Variants in RBM6 observed in about 807,000 individuals in gnomAD.
RBM6 encodes the protein RNA binding motif protein 6.
A neutral mutation model predicts 140.4 loss-of-function variants in RBM6; 23 were observed. The observed-to-expected ratio is 0.16, with a 90% CI of 0.12 to 0.23. The LOEUF is 0.23. Ranked by LOEUF, RBM6 falls within the 10% of genes least tolerant of loss-of-function variation. The pLI is 1.00. For missense variants in RBM6, 1,139 were observed against 1,386.7 expected, an observed-to-expected ratio of 0.82 and a Z score of 2.84; for synonymous variants, 439 against 475.6, an observed-to-expected ratio of 0.92 and a Z score of 1.00.
At chr3:49,957,889 T>C (rs2084073567) in intron 1 of RBM6, among the ~76,000 whole-genome samples, 1 of 150,696 alleles carries the variant, frequency 6.6e-6, no homozygotes, top group Non-Finnish European at 1.5e-5. Flanking sequence ...TGGAGTGCAA[T>C]GGCGCAATCT....
intron 1 of RBM6, among the ~76,000 whole-genome samples, chr3:49,959,723 A>G (rs1004889586): frequency 1.3e-5 from 2 of 151,156 alleles, no homozygotes; most frequent in African/African-American, 2.4e-5. Flanking sequence ...GGTGCCCGCC[A>G]CTACGCCTGG....
At chr3:50,065,594 A>T (rs1288271323) in intron 16 of RBM6, 2 of 457,228 alleles carry the variant, frequency 4.4e-6, no homozygotes, top group Admixed American at 4.7e-5. Flanking sequence ...TTCAAGCAGT[A>T]GTCTCAACCT....
In RBM6 at chr3:50,057,813, G is replaced by T; in HGVS notation, c.1779G>T (p.Gln593His). 6.2e-7 allele frequency: 1 copy of T among 1,613,590 alleles called. No homozygotes were observed. The highest frequency in any genetic ancestry group is 8.5e-7 in the Non-Finnish European group (1 of 1,179,914). ...IPAPLEKQPN[Q>H]PLRPADKEPE... is the part of the protein sequence containing the mutation. ...CACCATTGGAAAAACAGCCCAACCA[G>T]CCCCTAAGACCAGCTGATAAGGAAC... The change falls in exon 9 of 21, where the codon CAG (glutamine) becomes CAT (histidine). Residue 593 changes from glutamine (Q) to histidine (H), a missense_variant. Around this residue, in one of 9 missense-constraint regions of RBM6, gnomAD observed 109 missense variants for 101.9 expected, o/e 1.07. Coordinates refer to ENST00000266022, the MANE Select transcript of RBM6 (RefSeq NM_005777.3).
intron 5 of RBM6, among the ~76,000 whole-genome samples, chr3:49,976,237 T>C (rs748909007): frequency 6.6e-6 from 1 of 152,198 alleles, no homozygotes; most frequent in Non-Finnish European, 1.5e-5. Context: ...ATTTTGAGGA[T>C]ATAATTTACT....
intron 5 of RBM6, among the ~76,000 whole-genome samples, chr3:49,986,243 C>T (rs2085548808): frequency 2.0e-5 from 3 of 148,704 alleles, no homozygotes; most frequent in Non-Finnish European, 3.0e-5. Flanking sequence ...ATCCATTCGT[C>T]TCAGACTCCC....
chr3:50,013,003 A>C (rs981166511), intron 6 of RBM6, among the ~76,000 whole-genome samples: 1 of 151,818 alleles, frequency 6.6e-6, no homozygotes, highest in African/African-American at 2.4e-5. Context: ...TGGGCCTCCT[A>C]AAGTGCTGGG....
intron 5 of RBM6, among the ~76,000 whole-genome samples, chr3:49,984,127 C>G (rs2085435122): frequency 6.6e-6 from 1 of 151,810 alleles, no homozygotes; most frequent in Non-Finnish European, 1.5e-5. Context: ...CTCTATCTCT[C>G]CAAAAAAAAT....
chr3:50,008,840 C>T (rs111505489), intron 6 of RBM6, among the ~76,000 whole-genome samples: 4,875 of 152,254 alleles, frequency 0.032, 274 homozygotes, highest in African/African-American at 0.11. Flanking sequence ...CGTGAGCCAC[C>T]GTGCCTGGCC....
At chr3:50,016,342 T>C (rs1199145082) in intron 6 of RBM6, among the ~76,000 whole-genome samples, 1 of 152,188 alleles carries the variant, frequency 6.6e-6, no homozygotes, top group Non-Finnish European at 1.5e-5. Flanking sequence ...ATCCATTCAT[T>C]CATTGATGGG....
At position 49,968,016 on chromosome 3, in the gene RBM6, A is replaced by G; in HGVS notation, c.591A>G (p.Gly197=). Residue 197 remains glycine (G), a synonymous_variant, in exon 3 of 21, where the codon GGA becomes GGG. Transcript: ENST00000266022. ...GRDGSHADFR[G]RDLSDLDFRA... ...ATGGATCCCATGCAGATTTTAGGGG[A>G]AGGGATTTATCAGATTTGGATTTTA... 1 of 1,614,072 alleles carries G rather than the reference A, an allele frequency of 6.2e-7. No homozygotes were observed. The highest frequency in any genetic ancestry group is 2.2e-5 in the East Asian group (1 of 44,886).
intron 1 of RBM6, among the ~76,000 whole-genome samples, chr3:49,958,145 G>C (rs532292119): frequency 5.3e-5 from 8 of 152,316 alleles, no homozygotes; most frequent in African/African-American, 1.9e-4. Context: ...TTCATTCTGG[G>C]CCGGGCGCAG....
At position 50,059,840 on chromosome 3, in the gene RBM6, T is replaced by C. The variant is rs2089866698; in HGVS notation, c.2228+94T>C. ...TGGCTGGAAAAACAGTAAAGCATGA[T>C]GTTTTCCTAACATGGACTGCTTCAG... On this transcript the variant is annotated intron_variant, in intron 11 of 20. Transcript: ENST00000266022. The C allele has an allele frequency of 5.1e-6, 5 of 983,686 alleles. No individual in the cohort carries two copies. The Admixed American group carries it at 1.2e-4, about 25-fold the overall frequency. 60.9% of individuals were successfully genotyped at this position (983,686 alleles called of 1,614,324 possible).
At chr3:50,075,571 T>C (rs2240328) in intron 20 of RBM6, among the ~76,000 whole-genome samples, 133,741 of 152,196 alleles carry the variant, frequency 0.88, 59,039 homozygotes, top group African/African-American at 0.96. Flanking sequence ...TACTTTTACA[T>C]GGAGTAAATA....
intron 2 of RBM6, among the ~76,000 whole-genome samples, chr3:49,963,256 A>G (rs978427031): frequency 6.6e-6 from 1 of 151,900 alleles, no homozygotes; most frequent in Non-Finnish European, 1.5e-5. Flanking sequence ...GTTTTTTGAG[A>G]CAAGTCTCTC....
intron 6 of RBM6, among the ~76,000 whole-genome samples, chr3:50,012,176 G>A (rs1048356766): frequency 2.6e-5 from 4 of 151,406 alleles, no homozygotes; most frequent in Non-Finnish European, 5.9e-5. Flanking sequence ...TACCTCAATC[G>A]GATCCCCGTT....
intron 4 of RBM6, among the ~76,000 whole-genome samples, chr3:49,974,199 G>A (rs1461173745): frequency 1.3e-5 from 2 of 151,270 alleles, no homozygotes; most frequent in Non-Finnish European, 3.0e-5. Flanking sequence ...TTCTGGCCCT[G>A]CTTTTCCTAT....
At chr3:50,028,890 C>G (rs2087988165) in intron 6 of RBM6, among the ~76,000 whole-genome samples, 1 of 152,134 alleles carries the variant, frequency 6.6e-6, no homozygotes, top group African/African-American at 2.4e-5. Flanking sequence ...GGTCTTGACC[C>G]CCCCAACCCA....
intron 6 of RBM6, among the ~76,000 whole-genome samples, chr3:50,022,678 A>G (rs1225375170): frequency 6.6e-6 from 1 of 152,110 alleles, no homozygotes; most frequent in African/African-American, 2.4e-5. Context: ...GAATAGTTTT[A>G]CATTTGATTA....
At chr3:49,958,057 C>T (rs1005865663) in intron 1 of RBM6, among the ~76,000 whole-genome samples, 2 of 152,136 alleles carry the variant, frequency 1.3e-5, no homozygotes, top group African/African-American at 4.8e-5. Context: ...GTCTTGAACT[C>T]CTGACCTCAG....
Sources: gnomAD v4.1 joint callset for allele counts (sites outside exome capture counted in the v4.1 genomes callset) on GRCh38, gnomAD v4.1.1 for gene constraint, gnomAD v4.1.1 regional missense constraint, MANE v1.5 for transcripts, NCBI Gene and HGNC (gene_info 2026-07-23, HGNC 2026-07-21) for gene names.